Variants in ACSM1 observed in about 807,000 individuals in gnomAD.
ACSM1 encodes acyl-coenzyme A synthetase ACSM1, mitochondrial.
ACSM1 carries 79 observed loss-of-function variants against 75.8 expected under a neutral mutation model. The ratio of observed to expected loss-of-function variants is 1.04; its 90% CI spans 0.87 to 1.26. ACSM1 has a LOEUF of 1.26. Ranked by LOEUF, ACSM1 falls within the 50% of genes most tolerant of loss-of-function variation. The pLI is 0.00. For synonymous variants in ACSM1, 279 were observed against 265.8 expected (o/e 1.05, Z -0.48); for missense variants, 676 against 720.1 (o/e 0.94, Z 0.70).
chr16:20,656,897 C>CGA, intron 7 of ACSM1, among the ~76,000 whole-genome samples: 1 of 120,046 alleles, frequency 8.3e-6, no homozygotes, highest in East Asian at 2.1e-4. Context: ...GAAGAGGTTA[C>CGA]AAAAAAAAAA....
chr16:20,678,214 C>T (rs2079352678), intron 4 of ACSM1, among the ~76,000 whole-genome samples: 1 of 151,838 alleles, frequency 6.6e-6, no homozygotes, highest in South Asian at 2.1e-4. Flanking sequence ...AAAAATTTTC[C>T]AGTGGGAGGC....
chr16:20,651,035 A>T (rs1033223429), intron 7 of ACSM1, among the ~76,000 whole-genome samples: 8 of 152,114 alleles, frequency 5.3e-5, no homozygotes, highest in African/African-American at 1.9e-4. Flanking sequence ...GTGTGTGTGC[A>T]TGTGTGTGCC....
chr16:20,690,994 T>C lies in ACSM1; in HGVS notation c.192+3A>G. On this transcript the variant is annotated splice_donor_region_variant and intron_variant, in intron 2 of 13. Transcript: ENST00000520010. ...TATATCGCCATCACGGCAGATCTCTTACCTTCTCCTTTTGAGCCCAGTAGT... is the reference window on the plus strand; with the variant it reads ...TATATCGCCATCACGGCAGATCTCTCACCTTCTCCTTTTGAGCCCAGTAGT... The C allele has an allele frequency of 6.2e-7, 1 of 1,608,208 alleles. No homozygotes were observed. Among genetic ancestry groups the C allele is most frequent in the Non-Finnish European group, 8.5e-7 (1 of 1,177,864 alleles).
chr16:20,630,241 G>A (rs775853117), intron 10 of ACSM1, among the ~76,000 whole-genome samples: 10 of 151,022 alleles, frequency 6.6e-5, no homozygotes, highest in South Asian at 2.1e-4. Flanking sequence ...GCATACCACC[G>A]TGCCCGGCTA....
intron 4 of ACSM1, among the ~76,000 whole-genome samples, chr16:20,678,539 T>C (rs1407861963): frequency 6.6e-6 from 1 of 152,158 alleles, no homozygotes; most frequent in African/African-American, 2.4e-5. Flanking sequence ...GGTGTTCACC[T>C]TTTCAGGATA....
rs1172751809 is a variant in ACSM1, at chr16:20,648,608, A to G, written c.993-8024T>C. Reference sequence around the variant, plus strand: ...TAAAACAGAGACCTTAAGATAATTTATTATCTCTGAAGCCTGCACCTGGAA... The same window carrying G: ...TAAAACAGAGACCTTAAGATAATTTGTTATCTCTGAAGCCTGCACCTGGAA... On this transcript the variant is annotated intron_variant, in intron 7 of 13. Coordinates refer to ENST00000520010, the MANE Select transcript of ACSM1 (RefSeq NM_001318890.3). The surrounding 1 kb of genome is among the most constrained non-coding windows in gnomAD (Gnocchi z 4.2). Among the ~76,000 whole-genome samples the G allele has an allele frequency of 6.6e-6, 1 of 152,196 alleles. No homozygotes were observed. Among genetic ancestry groups the G allele is most frequent in the Non-Finnish European group, 1.5e-5 (1 of 68,046 alleles).
intron 6 of ACSM1, among the ~76,000 whole-genome samples, chr16:20,666,220 C>T (rs138388759): frequency 0.014 from 2,149 of 152,140 alleles, 52 homozygotes; most frequent in African/African-American, 0.05. Context: ...TGATTATATA[C>T]ATTAAAAAAC....
chr16:20,638,747 T>C (rs1016739281), intron 8 of ACSM1, among the ~76,000 whole-genome samples: 18 of 152,236 alleles, frequency 1.2e-4, no homozygotes, highest in Admixed American at 1.0e-3. Context: ...GCTCCTGGGA[T>C]AGGAAGATCT....
intron 12 of ACSM1, among the ~76,000 whole-genome samples, chr16:20,624,934 T>TGG (rs2016825333): frequency 6.6e-6 from 1 of 152,024 alleles, no homozygotes; most frequent in Non-Finnish European, 1.5e-5. Context: ...TTGGCCAGCC[T>TGG]GGTCTTGAAC....
chr16:20,649,932 A>G (rs1006601712), intron 7 of ACSM1, among the ~76,000 whole-genome samples: 2 of 152,002 alleles, frequency 1.3e-5, no homozygotes, highest in Admixed American at 6.6e-5. Context: ...ACAGAGATTC[A>G]CTCTTTGTCA....
intron 2 of ACSM1, among the ~76,000 whole-genome samples, chr16:20,685,689 G>C (rs576355080): frequency 6.6e-6 from 1 of 151,822 alleles, no homozygotes; most frequent in Non-Finnish European, 1.5e-5. Context: ...GCATGGTGGT[G>C]CATGCCTGTA....
At chr16:20,652,684 C>T (rs916489400) in intron 7 of ACSM1, among the ~76,000 whole-genome samples, 7 of 152,104 alleles carry the variant, frequency 4.6e-5, no homozygotes, top group African/African-American at 1.4e-4. Context: ...ACACAAACAC[C>T]CTCCCAAGAC....
chr16:20,629,323 T>A (rs916572361), intron 10 of ACSM1, among the ~76,000 whole-genome samples: 9 of 151,522 alleles, frequency 5.9e-5, no homozygotes, highest in Non-Finnish European at 1.0e-4. Context: ...AGGAGTACAG[T>A]TTTTTTTTAT....
At chr16:20,624,284 TTGAA>T in intron 12 of ACSM1, 69 bp from the exon 13 acceptor site, 8 of 1,502,314 alleles carry the variant, frequency 5.3e-6, no homozygotes, top group Non-Finnish European at 7.2e-6. Flanking sequence ...TCAATGTTTA[TTGAA>T]TGAGTGGTAA....
chr16:20,671,789 A>G, intron 4 of ACSM1, 118 bp from the exon 5 acceptor site: 1 of 1,166,490 alleles, frequency 8.6e-7, no homozygotes, highest in Non-Finnish European at 1.1e-6. Context: ...ACACTAGAGG[A>G]AAACTGGCTC....
At chr16:20,628,659 G>C (rs1302299309) in intron 10 of ACSM1, among the ~76,000 whole-genome samples, 2 of 152,050 alleles carry the variant, frequency 1.3e-5, no homozygotes, top group Non-Finnish European at 2.9e-5. Context: ...ATGTAGCTGA[G>C]TTTTTGTTTA....
chr16:20,644,910 T>G (rs2018274538), intron 7 of ACSM1, among the ~76,000 whole-genome samples: 1 of 152,248 alleles, frequency 6.6e-6, no homozygotes, highest in Non-Finnish European at 1.5e-5. Flanking sequence ...AAGTTCCCTT[T>G]GGAAAAGTGG....
At chr16:20,697,165 T>C (rs571758910) in intron 1 of ACSM1, among the ~76,000 whole-genome samples, 103 of 152,274 alleles carry the variant, frequency 6.8e-4, no homozygotes, top group African/African-American at 2.1e-3. Context: ...CTCAATCTCC[T>C]GGGCTACAGT....
Position 20,625,482 on chromosome 16 carries a change from C to T in ACSM1, c.1468G>A (p.Glu490Lys). The change falls in exon 12 of 14, where the codon GAG (glutamate) becomes AAG (lysine). Residue 490 changes from glutamate to lysine, a missense_variant. Physicochemically the swap from Glu to Lys is moderately conservative, Grantham distance 56. Coordinates refer to ENST00000520010, the MANE Select transcript of ACSM1 (RefSeq NM_001318890.3). ...GCTGACTCCGCCACCGCTGGGTGCTCCACCAAAGCGCTTTCAACCTCTGCA... is the reference window on the plus strand; with the variant it reads ...GCTGACTCCGCCACCGCTGGGTGCTTCACCAAAGCGCTTTCAACCTCTGCA... ...GPAEVESALV[E>K]HPAVAESAVV... 2 of 1,614,160 alleles carry T rather than the reference C, an allele frequency of 1.2e-6. No homozygotes were observed. Among genetic ancestry groups the T allele is most frequent in the Non-Finnish European group, 1.7e-6 (2 of 1,180,036 alleles).
Sources: allele counts gnomAD v4.1 joint callset (sites outside exome capture counted in the v4.1 genomes callset), GRCh38; gene constraint gnomAD v4.1.1; non-coding constraint Gnocchi (gnomAD v3.1); transcripts MANE v1.5; gene names NCBI Gene and HGNC (gene_info 2026-07-23, HGNC 2026-07-21).